FMO5: variants seen among roughly 807,000 people sequenced by gnomAD.
FMO5 encodes flavin containing dimethylaniline monoxygenase 5, also known as flavin-containing monooxygenase 5.
In FMO5, 51 loss-of-function variants were observed where a neutral mutation model predicts 43.6. The ratio of observed to expected loss-of-function variants is 1.17; its 90% CI spans 0.93 to 1.48. FMO5 has a LOEUF of 1.48. Ranked by LOEUF, FMO5 falls within the 40% of genes most tolerant of loss-of-function variation. FMO5 has a pLI of 0.00. For synonymous variants in FMO5, 187 were observed against 216.5 expected, an observed-to-expected ratio of 0.86 and a Z score of 1.20; for missense variants, 644 against 643.0, an observed-to-expected ratio of 1.00 and a Z score of -0.02.
At chr1:147,196,803 C>A (rs587642403) in intron 7 of FMO5, among the ~76,000 whole-genome samples, 2 of 152,176 alleles carry the variant, frequency 1.3e-5, no homozygotes, top group East Asian at 3.9e-4. Context: ...TGAACAGATT[C>A]TTTTCTGTCT....
chr1:147,226,383 C>T (rs371422395), upstream of FMO5, among the ~76,000 whole-genome samples: 20 of 152,256 alleles, frequency 1.3e-4, 1 homozygote, highest in East Asian at 3.5e-3. Flanking sequence ...CTCAGAGGGG[C>T]TTACAGATTA....
In FMO5 at chr1:147,198,872, A is replaced by AAAAG. The variant is rs1553920320; in HGVS notation, c.1183+2276_1183+2279dup. On this transcript the variant is annotated intron_variant, in intron 7 of 8. Transcript: ENST00000254090. ...TCTCAAAAAAAAAAAAAAAAAAAAA[A>AAAAG]AAAGAAAGAAAGATGGGCCTGAAAT... Among the ~76,000 whole-genome samples, 405 of 144,646 alleles carry AAAAG rather than the reference A, an allele frequency of 2.8e-3. 2 individuals carry two copies. The highest frequency in any genetic ancestry group is 0.012 in the South Asian group (51 of 4,338). The allele number at this position is 144,646 out of a possible 152,430, so 94.9% of individuals were successfully genotyped here.
intron 4 of FMO5, among the ~76,000 whole-genome samples, 188 bp from the exon 5 acceptor site, chr1:147,212,723 C>T (rs1310986178): frequency 6.6e-6 from 1 of 152,006 alleles, no homozygotes; most frequent in Non-Finnish European, 1.5e-5. Flanking sequence ...CAGAGTAGTA[C>T]CTTGTGATTT....
intron 7 of FMO5, among the ~76,000 whole-genome samples, chr1:147,190,585 G>A (rs1656522904): frequency 6.6e-6 from 1 of 152,072 alleles, no homozygotes; most frequent in African/African-American, 2.4e-5. Context: ...TAGTTACAAA[G>A]TTAAAGGGCA....
At chr1:147,226,107 C>CTTTTT (rs3028896), upstream of FMO5, among the ~76,000 whole-genome samples, 5,074 of 147,812 alleles carry the variant, frequency 0.034, 101 homozygotes, top group African/African-American at 0.043. Flanking sequence ...ATTTATCTTA[C>CTTTTT]TTTTTTTTTT....
chr1:147,225,056 T>C lies in FMO5; in HGVS notation c.-27A>G, dbSNP rs1553927401. 1 of 1,614,036 alleles carries C rather than the reference T, an allele frequency of 6.2e-7. No individual in the cohort carries two copies. The highest frequency in any genetic ancestry group is 1.7e-5 in the Admixed American group (1 of 60,026). ...GTCTCCCGAGATCTTCACCTGTTAG[T>C]GTCGCCTGTCCTAAAGAAAGGATGA... On this transcript the variant is annotated 5_prime_UTR_variant, in exon 2 of 9. Transcript: ENST00000254090.
chr1:147,194,585 G>A (rs1553919328), intron 7 of FMO5, among the ~76,000 whole-genome samples: 1 of 152,148 alleles, frequency 6.6e-6, no homozygotes, highest in Non-Finnish European at 1.5e-5. Flanking sequence ...GTTAGTTGAT[G>A]CAGTTTCTTC....
intron 2 of FMO5, among the ~76,000 whole-genome samples, chr1:147,219,275 T>A (rs1662573862): frequency 6.6e-6 from 1 of 152,216 alleles, no homozygotes; most frequent in African/African-American, 2.4e-5. Context: ...TAATTATACT[T>A]GTATAATCGC....
intron 6 of FMO5, among the ~76,000 whole-genome samples, chr1:147,202,694 A>G (rs1322727556): frequency 1.4e-4 from 21 of 152,132 alleles, no homozygotes; most frequent in Non-Finnish European, 5.9e-5. Context: ...GGAATTTTAT[A>G]TGTTTAAATT....
intron 4 of FMO5, 111 bp from the exon 5 acceptor site, chr1:147,212,646 G>T (rs868926711): frequency 2.9e-6 from 3 of 1,017,506 alleles, no homozygotes; most frequent in Middle Eastern, 3.0e-4. Flanking sequence ...TTCTCCAAGT[G>T]TTCTCTTTAC....
intron 6 of FMO5, chr1:147,204,010 A>G (rs1490901759): frequency 8.5e-7 from 1 of 1,175,954 alleles, no homozygotes; most frequent in Non-Finnish European, 1.3e-6. Flanking sequence ...ACATCATATT[A>G]TATTTGTTTG....
chr1:147,213,218 T>C (rs1553924100), intron 4 of FMO5, 90 bp downstream of exon 4: 15 of 1,046,024 alleles, frequency 1.4e-5, no homozygotes, highest in Non-Finnish European at 1.7e-5. Context: ...CATTCCAAAG[T>C]AGGAATTACT....
At chr1:147,207,520 C>A (rs1553922679) in intron 6 of FMO5, among the ~76,000 whole-genome samples, 1 of 152,106 alleles carries the variant, frequency 6.6e-6, no homozygotes, top group Non-Finnish European at 1.5e-5. Context: ...TATAATCTGT[C>A]CTCTTTCTTC....
Position 147,192,536 on chromosome 1 carries a change from A to T in FMO5, c.1184-2287T>A, listed in dbSNP as rs587594524. Among the ~76,000 whole-genome samples, 805 of 149,456 alleles carry T rather than the reference A, an allele frequency of 5.4e-3. 14 individuals are homozygous for T. The highest frequency in any genetic ancestry group is 0.02 in the African/African-American group (760 of 38,818). On this transcript the variant is annotated intron_variant, in intron 7 of 8. Transcript: ENST00000254090. The stretch of plus-strand genomic sequence containing the variant: ...CCTGCCTAATTGCCCTGGCCAGAAT[A>T]TCCAACACTCTGTTGAATAGGAGTG...
At chr1:147,184,733 T>C (rs782286516), downstream of FMO5, 7 of 1,287,084 alleles carry the variant, frequency 5.4e-6, no homozygotes, top group Non-Finnish European at 5.0e-6. The surrounding 1 kb of genome is among the most constrained non-coding windows in gnomAD (Gnocchi z 4.4). Flanking sequence ...TTACTGTTAG[T>C]GTTAATCTTG....
In FMO5 at chr1:147,202,309, G is replaced by GTCTTTTTTTTTTTTTTTTTT. The variant is rs1659115947; in HGVS notation, c.831-806_831-805insAAAAAAAAAAAAAAAAAAGA. ...GTATCGTGGAGCTTTCTAAAAAGCAGTTCTTTTTTTTTTTTTTTTTTTTTT... is the reference window on the plus strand; with the variant it reads ...GTATCGTGGAGCTTTCTAAAAAGCAGTCTTTTTTTTTTTTTTTTTTTTCTTTTTTTTTTTTTTTTTTTTTT... On this transcript the variant is annotated intron_variant, in intron 6 of 8. Coordinates refer to ENST00000254090, the MANE Select transcript of FMO5 (RefSeq NM_001461.4). Among the ~76,000 whole-genome samples, 2 of 118,436 alleles carry GTCTTTTTTTTTTTTTTTTTT rather than the reference G, an allele frequency of 1.7e-5. 1 individual carries two copies. The highest frequency in any genetic ancestry group is 6.3e-5 in the African/African-American group (2 of 31,602). 77.7% of individuals were successfully genotyped at this position (118,436 alleles called of 152,430 possible). A position where few individuals can be genotyped will look rare whatever the true frequency, so the allele number is the denominator to read the frequency against.
intron 8 of FMO5, 88 bp downstream of exon 8, chr1:147,190,089 C>G: frequency 1.2e-6 from 1 of 835,186 alleles, no homozygotes. Context: ...CTTAAGCTAA[C>G]ATGAGGCAGT....
intron 3 of FMO5, among the ~76,000 whole-genome samples, chr1:147,214,223 A>G (rs1661555017): frequency 6.6e-6 from 1 of 152,100 alleles, no homozygotes; most frequent in South Asian, 2.1e-4. Context: ...AGGCTGAGCC[A>G]GGTGAATCAC....
chr1:147,221,302 A>G (rs1209087385), intron 2 of FMO5, among the ~76,000 whole-genome samples: 2 of 152,216 alleles, frequency 1.3e-5, no homozygotes, highest in African/African-American at 4.8e-5. Context: ...TAATGTATCA[A>G]TATTGGTTCA....
Sources: gnomAD v4.1 joint callset for allele counts (sites outside exome capture counted in the v4.1 genomes callset) on GRCh38, gnomAD v4.1.1 for gene constraint, Gnocchi (gnomAD v3.1) non-coding constraint, MANE v1.5 for transcripts, NCBI Gene and HGNC (gene_info 2026-07-23, HGNC 2026-07-21) for gene names.